The following PPARD variants were observed in gnomAD, a reference collection of about 807,000 sequenced individuals.
PPARD encodes peroxisome proliferator-activated receptor delta.
PPARD carries 6 observed loss-of-function variants against 39.5 expected under a neutral mutation model. That is an observed-to-expected ratio of 0.15 (90% CI 0.08 to 0.30). The LOEUF is 0.30. PPARD is among the 10% of genes least tolerant of loss of function. The probability of loss-of-function intolerance (pLI) is 1.00; values close to 1 mark genes in which losing one functional copy is unlikely to be tolerated. For synonymous variants in PPARD, 210 were observed against 231.3 expected (o/e 0.91, Z 0.83); for missense variants, 397 against 596.8 (o/e 0.67, Z 3.49).
At position 35,401,829 on chromosome 6, in the gene PPARD, G is replaced by T. The variant is rs1764709980; in HGVS notation, c.-101-9158G>T. 6.6e-6 allele frequency among the ~76,000 whole-genome samples: 1 copy of T among 152,174 alleles called. No individual in the cohort carries two copies. Among genetic ancestry groups the T allele is most frequent in the Non-Finnish European group, 1.5e-5 (1 of 68,038 alleles). ...TTGAACAAGTGAATGAAACCAGCTG[G>T]CAGGGACCAGAAGGGCAGAGGGGCA... On this transcript the variant is annotated intron_variant, in intron 2 of 7. Coordinates refer to ENST00000360694, the MANE Select transcript of PPARD (RefSeq NM_006238.5). This position sits in a 1 kb window ranked among gnomAD's most constrained non-coding sequence, Gnocchi z 4.1.
At chr6:35,407,417 T>A (rs1765127993) in intron 2 of PPARD, among the ~76,000 whole-genome samples, 1 of 151,904 alleles carries the variant, frequency 6.6e-6, no homozygotes, top group East Asian at 1.9e-4. Context: ...GTGCTGCTCC[T>A]TCTCTTGGGA....
Position 35,425,235 on chromosome 6 carries a change from C to CAATAAATACAATAATAACTA in PPARD, c.1078+456_1078+457insAATAAATACAATAATAACTA, listed in dbSNP as rs1554214759. 62 of 1,001,762 alleles carry CAATAAATACAATAATAACTA rather than the reference C, an allele frequency of 6.2e-5. No individual in the cohort carries two copies. The highest frequency in any genetic ancestry group is 5.1e-4 in the Middle Eastern group (1 of 1,972). 62.1% of individuals were successfully genotyped at this position (1,001,762 alleles called of 1,614,324 possible). On this transcript the variant is annotated intron_variant, in intron 7 of 7. Transcript: ENST00000360694. The surrounding 1 kb of genome is among the most constrained non-coding windows in gnomAD (Gnocchi z 4.5). ...GTTGCAGTGAGCCAAAATCCCACCA[C>CAATAAATACAATAATAACTA]TGCACTCCAGCCTGGGTGACAGAGT...
intron 2 of PPARD, among the ~76,000 whole-genome samples, chr6:35,371,916 A>G (rs1222312642): frequency 6.6e-6 from 1 of 152,240 alleles, no homozygotes; most frequent in Non-Finnish European, 1.5e-5. Context: ...CCCCTAGTCC[A>G]AAGGCAAAGT....
At chr6:35,406,225 G>A (rs574546763) in intron 2 of PPARD, among the ~76,000 whole-genome samples, 2 of 152,330 alleles carry the variant, frequency 1.3e-5, no homozygotes, top group South Asian at 4.1e-4. Flanking sequence ...GCCCAGCCCA[G>A]CCTGTGCTAT....
At chr6:35,417,796 C>T (rs1376259672) in intron 3 of PPARD, among the ~76,000 whole-genome samples, 1 of 152,242 alleles carries the variant, frequency 6.6e-6, no homozygotes, top group Admixed American at 6.5e-5. Flanking sequence ...TCCCAAAGTG[C>T]TGGGATTACA....
At chr6:35,342,818 C>G (rs907077278) in intron 1 of PPARD, 137 bp downstream of exon 1, 1 of 152,262 alleles carries the variant, frequency 6.6e-6, no homozygotes, top group Admixed American at 6.5e-5. Flanking sequence ...GGTCCGCGGA[C>G]AGCGTCACGG....
intron 2 of PPARD, among the ~76,000 whole-genome samples, chr6:35,352,773 A>G (rs771077038): frequency 2.6e-5 from 4 of 152,124 alleles, no homozygotes; most frequent in Non-Finnish European, 5.9e-5. Context: ...TGACCTCTCT[A>G]TGTGCCTTGG....
At chr6:35,379,960 G>A (rs1307264607) in intron 2 of PPARD, among the ~76,000 whole-genome samples, 2 of 152,196 alleles carry the variant, frequency 1.3e-5, no homozygotes, top group Non-Finnish European at 2.9e-5. Flanking sequence ...TGCTTTTGAG[G>A]TATCAAGGTT....
At chr6:35,361,008 G>A (rs1314265576) in intron 2 of PPARD, among the ~76,000 whole-genome samples, 1 of 152,208 alleles carries the variant, frequency 6.6e-6, no homozygotes, top group Non-Finnish European at 1.5e-5. Context: ...GGTAGCTAGA[G>A]GCTGGGAGGG....
At chr6:35,420,095 T>C (rs748528368) in intron 3 of PPARD, 32 bp from the exon 4 acceptor site, 5 of 1,603,280 alleles carry the variant, frequency 3.1e-6, no homozygotes, top group Non-Finnish European at 4.2e-6. Context: ...CCTGGCAGCA[T>C]GTGGAGCTGC....
chr6:35,349,405 A>G (rs570762053), intron 2 of PPARD, among the ~76,000 whole-genome samples: 161 of 152,300 alleles, frequency 1.1e-3, no homozygotes, highest in African/African-American at 3.3e-3. Flanking sequence ...CCTGGGCCAC[A>G]TTGGAAGAAG....
At chr6:35,353,966 C>T (rs1308652834) in intron 2 of PPARD, among the ~76,000 whole-genome samples, 2 of 152,168 alleles carry the variant, frequency 1.3e-5, no homozygotes, top group Non-Finnish European at 2.9e-5. Flanking sequence ...GGGCGCATGG[C>T]TCACGCCTGT....
At chr6:35,417,560 C>G (rs1475406431) in intron 3 of PPARD, among the ~76,000 whole-genome samples, 2 of 152,158 alleles carry the variant, frequency 1.3e-5, no homozygotes, top group Non-Finnish European at 2.9e-5. Flanking sequence ...TGGCGTGAGC[C>G]ACCACACTCA....
chr6:35,399,583 C>T lies in PPARD; in HGVS notation c.-101-11404C>T, dbSNP rs558993531. Among the ~76,000 whole-genome samples, 9 of 152,004 alleles carry T rather than the reference C, an allele frequency of 5.9e-5. No homozygotes were observed. The East Asian group carries it at 1.7e-3, about 29-fold the overall frequency. ...TACAAAAATTAGTTGGGTGTGGTGG[C>T]ATGAATCTGTAGTCCCAGCTACTCT... On this transcript the variant is annotated intron_variant, in intron 2 of 7. Transcript: ENST00000360694.
intron 2 of PPARD, among the ~76,000 whole-genome samples, chr6:35,395,790 C>G (rs766924053): frequency 5.3e-5 from 8 of 152,190 alleles, no homozygotes; most frequent in Non-Finnish European, 7.3e-5. Flanking sequence ...GCTCTGATGG[C>G]TTACTGGCTC....
intron 3 of PPARD, among the ~76,000 whole-genome samples, chr6:35,417,244 T>C (rs1251769822): frequency 1.3e-5 from 2 of 151,830 alleles, no homozygotes; most frequent in African/African-American, 2.4e-5. Flanking sequence ...GCTCAAGTGA[T>C]CCTCCCGCCT....
chr6:35,379,584 G>A (rs1457569328), intron 2 of PPARD, among the ~76,000 whole-genome samples: 3 of 152,232 alleles, frequency 2.0e-5, no homozygotes, highest in African/African-American at 7.2e-5. Context: ...CACTCTAGTT[G>A]GAGAGAATTC....
At chr6:35,379,465 C>G (rs1763011328) in intron 2 of PPARD, among the ~76,000 whole-genome samples, 2 of 152,166 alleles carry the variant, frequency 1.3e-5, no homozygotes, top group Admixed American at 1.3e-4. Context: ...AGCTCTCAGT[C>G]TGTGGTCATA....
At chr6:35,353,281 G>A (rs560115433) in intron 2 of PPARD, among the ~76,000 whole-genome samples, 1 of 152,314 alleles carries the variant, frequency 6.6e-6, no homozygotes, top group East Asian at 1.9e-4. Context: ...AGATAGAGAG[G>A]ATAGGTAGGG....
Sources: gnomAD v4.1 joint callset for allele counts (sites outside exome capture counted in the v4.1 genomes callset) on GRCh38, gnomAD v4.1.1 for gene constraint, Gnocchi (gnomAD v3.1) non-coding constraint, MANE v1.5 for transcripts, NCBI Gene and HGNC (gene_info 2026-07-23, HGNC 2026-07-21) for gene names.